KCNMA1: variants seen among roughly 807,000 people sequenced by gnomAD.
The protein encoded by KCNMA1 is potassium calcium-activated channel subfamily M alpha 1, also known as Calcium-activated potassium channel subunit alpha-1.
A neutral mutation model predicts 140.0 loss-of-function variants in KCNMA1; 29 were observed. That is an observed-to-expected ratio of 0.21 (90% CI 0.15 to 0.28). KCNMA1 has a LOEUF of 0.28. KCNMA1 is among the 10% of genes least tolerant of loss of function. The probability of loss-of-function intolerance (pLI) is 1.00; values close to 1 mark genes in which losing one functional copy is unlikely to be tolerated. For synonymous variants in KCNMA1, 612 were observed against 611.9 expected (o/e 1.00, Z 0.00); for missense variants, 880 against 1,602.2 (o/e 0.55, Z 7.70).
chr10:77,529,448 A>T (rs1251171046), intron 1 of KCNMA1, among the ~76,000 whole-genome samples: 1 of 150,526 alleles, frequency 6.6e-6, no homozygotes, highest in Non-Finnish European at 1.5e-5. Context: ...CTCCCACCTC[A>T]CTCCCCGGCA....
intron 9 of KCNMA1, among the ~76,000 whole-genome samples, chr10:77,094,646 T>A (rs2096886163): frequency 6.6e-6 from 1 of 152,168 alleles, no homozygotes; most frequent in Non-Finnish European, 1.5e-5. Flanking sequence ...GCCATATGAT[T>A]GGAGCAAGCT....
chr10:77,626,069 CT>C (rs1450777966), intron 1 of KCNMA1, among the ~76,000 whole-genome samples: 1 of 151,542 alleles, frequency 6.6e-6, no homozygotes, highest in Non-Finnish European at 1.5e-5. Flanking sequence ...TGACTGTGTC[CT>C]TTTTGTTTAA....
intron 24 of KCNMA1, chr10:76,913,593 T>C (rs2051317153): frequency 6.7e-6 from 1 of 149,804 alleles, no homozygotes; most frequent in Non-Finnish European, 1.5e-5. Context: ...TAAAGAAAAA[T>C]AAACAGCTGG....
chr10:76,894,734 A>C (rs2041755985), intron 25 of KCNMA1, among the ~76,000 whole-genome samples: 1 of 152,226 alleles, frequency 6.6e-6, no homozygotes, highest in South Asian at 2.1e-4. Context: ...CAACAGCTCT[A>C]GTCATCAGAG....
At chr10:77,419,541 G>A (rs1020308654) in intron 1 of KCNMA1, among the ~76,000 whole-genome samples, 8 of 152,236 alleles carry the variant, frequency 5.3e-5, no homozygotes, top group East Asian at 1.9e-4. Context: ...AAGGTGAGAC[G>A]CCAGCCAAGG....
At chr10:77,065,763 G>A (rs2095914517) in intron 14 of KCNMA1, among the ~76,000 whole-genome samples, 1 of 152,122 alleles carries the variant, frequency 6.6e-6, no homozygotes, top group South Asian at 2.1e-4. Flanking sequence ...TTTATTACAT[G>A]CACACTTTTA....
intron 2 of KCNMA1, among the ~76,000 whole-genome samples, chr10:77,368,510 A>G (rs1233835338): frequency 1.3e-5 from 2 of 152,212 alleles, no homozygotes; most frequent in Non-Finnish European, 2.9e-5. Flanking sequence ...CATTCTCATA[A>G]TAGTATCTTT....
Position 76,885,669 on chromosome 10 carries a change from A to G in KCNMA1, c.*1597T>C, listed in dbSNP as rs1179684717. On this transcript the variant is annotated 3_prime_UTR_variant, in exon 28 of 28. Coordinates refer to ENST00000286628, the MANE Select transcript of KCNMA1 (RefSeq NM_001161352.2). ...TTGAAGTAAAACTTTTCAAATATGTATATACCAGCCTAGTCCATCCATAAG... is the reference window on the plus strand; with the variant it reads ...TTGAAGTAAAACTTTTCAAATATGTGTATACCAGCCTAGTCCATCCATAAG... The G allele has an allele frequency of 2.0e-6, 2 of 985,188 alleles. No homozygotes were observed. The highest frequency in any genetic ancestry group is 2.4e-6 in the Non-Finnish European group (2 of 829,866). 61.0% of individuals were successfully genotyped at this position (985,188 alleles called of 1,614,324 possible).
chr10:77,404,439 T>A (rs2096397207), intron 1 of KCNMA1, among the ~76,000 whole-genome samples: 1 of 151,924 alleles, frequency 6.6e-6, no homozygotes, highest in Admixed American at 6.6e-5. Flanking sequence ...GCCACCATGC[T>A]CGGCTAATTT....
intron 4 of KCNMA1, among the ~76,000 whole-genome samples, chr10:77,184,080 A>ACACACACACACG (rs2098826060): frequency 6.6e-6 from 1 of 151,996 alleles, no homozygotes; most frequent in Admixed American, 6.6e-5. Flanking sequence ...ACACACACAC[A>ACACACACACACG]CACACACACA....
At position 76,940,803 on chromosome 10, in the gene KCNMA1, A is replaced by G. The variant is rs575121470; in HGVS notation, c.2902+3970T>C. ...TAGTGAAACTCTGTCTCTACTAAAAATACAAAAATTAGCCGGGTGTGGCAG... is the reference window on the plus strand; with the variant it reads ...TAGTGAAACTCTGTCTCTACTAAAAGTACAAAAATTAGCCGGGTGTGGCAG... On this transcript the variant is annotated intron_variant, in intron 23 of 27. Coordinates refer to ENST00000286628, the MANE Select transcript of KCNMA1 (RefSeq NM_001161352.2). Among the ~76,000 whole-genome samples the G allele has an allele frequency of 1.1e-3, 168 of 151,804 alleles. 1 individual carries two copies. Among genetic ancestry groups the G allele is most frequent in the African/African-American group, 3.8e-3 (157 of 41,374 alleles).
chr10:77,033,888 C>T (rs2153556071), intron 15 of KCNMA1, among the ~76,000 whole-genome samples: 1 of 152,260 alleles, frequency 6.6e-6, no homozygotes, highest in South Asian at 2.1e-4. Context: ...ACCCTAATTA[C>T]AATACTCCCC....
chr10:76,978,047 T>C (rs1413493593), intron 19 of KCNMA1, among the ~76,000 whole-genome samples: 3 of 152,226 alleles, frequency 2.0e-5, no homozygotes, highest in Admixed American at 2.0e-4. Context: ...ATTTCAACCG[T>C]CAGCTGCCGC....
At chr10:77,511,545 T>A (rs943976952) in intron 1 of KCNMA1, among the ~76,000 whole-genome samples, 2 of 152,164 alleles carry the variant, frequency 1.3e-5, no homozygotes, top group African/African-American at 4.8e-5. Flanking sequence ...AGCCTCTTTA[T>A]CTCTAAGGGA....
chr10:77,282,015 G>C (rs2068790845), intron 2 of KCNMA1, among the ~76,000 whole-genome samples: 1 of 152,146 alleles, frequency 6.6e-6, no homozygotes, highest in Non-Finnish European at 1.5e-5. Context: ...TAACAGGGAG[G>C]TTAACCTCAT....
Position 76,885,588 on chromosome 10 carries a change from C to G in KCNMA1, c.*1678G>C. The G allele has an allele frequency of 1.0e-6, 1 of 985,342 alleles. No individual in the cohort carries two copies. Among genetic ancestry groups the G allele is most frequent in the African/African-American group, 1.7e-5 (1 of 57,330 alleles). 61.0% of individuals were successfully genotyped at this position (985,342 alleles called of 1,614,324 possible). A position where few individuals can be genotyped will look rare whatever the true frequency, so the allele number is the denominator to read the frequency against. ...TAAAAACACCTTTTTAGAGATGGTACAGCTGTGACATGTTTTCCTCCTCCC... is the reference window on the plus strand; with the variant it reads ...TAAAAACACCTTTTTAGAGATGGTAGAGCTGTGACATGTTTTCCTCCTCCC... On this transcript the variant is annotated 3_prime_UTR_variant, in exon 28 of 28. Transcript: ENST00000286628.
At chr10:77,393,693 T>C (rs2095925822) in intron 2 of KCNMA1, among the ~76,000 whole-genome samples, 1 of 152,088 alleles carries the variant, frequency 6.6e-6, no homozygotes, top group South Asian at 2.1e-4. Flanking sequence ...AGAGCTGAAG[T>C]GAGTTTTGAG....
At chr10:77,432,926 T>C (rs1032567792) in intron 1 of KCNMA1, among the ~76,000 whole-genome samples, 1 of 151,898 alleles carries the variant, frequency 6.6e-6, no homozygotes, top group African/African-American at 2.4e-5. Context: ...AGGGTGGAAG[T>C]GTTCATGATT....
At chr10:76,895,461 A>G (rs2042073772) in intron 25 of KCNMA1, among the ~76,000 whole-genome samples, 1 of 152,224 alleles carries the variant, frequency 6.6e-6, no homozygotes, top group Admixed American at 6.5e-5. Context: ...AAATAAAAAT[A>G]TATGTCCATA....
Sources: allele counts gnomAD v4.1 joint callset (sites outside exome capture counted in the v4.1 genomes callset), GRCh38; gene constraint gnomAD v4.1.1; transcripts MANE v1.5; gene names NCBI Gene and HGNC (gene_info 2026-07-23, HGNC 2026-07-21).